Variants in GLUD1 observed in about 807,000 individuals in gnomAD.
GLUD1 encodes the protein glutamate dehydrogenase 1, mitochondrial.
Under a neutral mutation model 56.0 loss-of-function variants are expected in GLUD1, and 22 were observed. The ratio of observed to expected loss-of-function variants is 0.39; its 90% CI spans 0.28 to 0.56. GLUD1 has a LOEUF of 0.56. GLUD1 is among the 20% of genes least tolerant of loss of function. The pLI is 0.58. For synonymous variants in GLUD1, 223 were observed against 269.9 expected, an observed-to-expected ratio of 0.83 and a Z score of 1.70; for missense variants, 451 against 732.0, an observed-to-expected ratio of 0.62 and a Z score of 4.43.
intron 4 of GLUD1, among the ~76,000 whole-genome samples, chr10:87,072,304 T>C (rs751271919): frequency 4.6e-5 from 7 of 152,196 alleles, no homozygotes; most frequent in Non-Finnish European, 8.8e-5. Flanking sequence ...CAAATTAGTG[T>C]ACAGATTCAA....
rs1032103097 is a variant in GLUD1, at chr10:87,094,699, G to C, written c.71C>G (p.Ala24Gly). The C allele has an allele frequency of 4.7e-6, 7 of 1,497,500 alleles. No homozygotes were observed. Among genetic ancestry groups the C allele is most frequent in the African/African-American group, 1.5e-5 (1 of 68,290 alleles). The allele number at this position is 1,497,500 out of a possible 1,614,324, so 92.8% of individuals were successfully genotyped here. ...AGPAALGSAS[A>G]DSAALLGWAR... ...CCAGCCCAGCAACGCGGCCGAGTCGGCGGACGCCGAGCCCAGGGCAGCGGG... is the reference window on the plus strand; with the variant it reads ...CCAGCCCAGCAACGCGGCCGAGTCGCCGGACGCCGAGCCCAGGGCAGCGGG... Residue 24 changes from alanine to glycine, a missense_variant, in exon 1 of 13, where the codon GCC becomes GGC. Ala to Gly is a moderately conservative substitution (Grantham distance 60). Transcript: ENST00000277865. This position sits in a 1 kb window ranked among gnomAD's most constrained non-coding sequence, Gnocchi z 6.6.
chr10:87,063,141 T>C (rs182029767), intron 5 of GLUD1, among the ~76,000 whole-genome samples: 1 of 152,234 alleles, frequency 6.6e-6, no homozygotes, highest in African/African-American at 2.4e-5. Context: ...TGGTGAGATC[T>C]TGGCTCATCG....
intron 4 of GLUD1, among the ~76,000 whole-genome samples, chr10:87,073,799 T>C (rs1846306363): frequency 6.6e-6 from 1 of 151,896 alleles, no homozygotes; most frequent in Non-Finnish European, 1.5e-5. Context: ...TTTGTGTTTT[T>C]AGTAGAGATG....
At position 87,050,671 on chromosome 10, in the gene GLUD1, C is replaced by T. The variant is rs1444444751; in HGVS notation, c.*1080G>A. The stretch of plus-strand genomic sequence containing the variant: ...CAAAAGGCCCTGGCCAAATAACTCC[C>T]AAATGAAACACTCAACCCAAGGATG... On this transcript the variant is annotated 3_prime_UTR_variant, in exon 13 of 13. Coordinates refer to ENST00000277865, the MANE Select transcript of GLUD1 (RefSeq NM_005271.5). 6.6e-6 allele frequency: 1 copy of T among 152,060 alleles called. No individual in the cohort carries two copies. The highest frequency in any genetic ancestry group is 1.5e-5 in the Non-Finnish European group (1 of 68,046). 9.4% of individuals were successfully genotyped at this position (152,060 alleles called of 1,614,324 possible).
At chr10:87,091,372 T>C (rs1259114474) in intron 1 of GLUD1, among the ~76,000 whole-genome samples, 1 of 152,226 alleles carries the variant, frequency 6.6e-6, no homozygotes, top group East Asian at 1.9e-4. Context: ...TAGACTGGTC[T>C]CAGGCAGAAC....
At chr10:87,070,896 G>A (rs1054521029) in intron 4 of GLUD1, among the ~76,000 whole-genome samples, 15 of 151,942 alleles carry the variant, frequency 9.9e-5, no homozygotes, top group African/African-American at 3.6e-4. Flanking sequence ...TTGGGAGGCC[G>A]AGGTGAGTGG....
intron 1 of GLUD1, among the ~76,000 whole-genome samples, chr10:87,088,332 A>C (rs1841434817): frequency 6.6e-6 from 1 of 152,146 alleles, no homozygotes; most frequent in Non-Finnish European, 1.5e-5. Flanking sequence ...TCCAAGAAAT[A>C]AAAAAATTCA....
At chr10:87,079,357 G>C (rs1196111215) in intron 1 of GLUD1, among the ~76,000 whole-genome samples, 1 of 151,302 alleles carries the variant, frequency 6.6e-6, no homozygotes, top group Non-Finnish European at 1.5e-5. Context: ...AGAGTCACTT[G>C]AGCCCAGGAG....
chr10:87,077,142 C>T (rs1346030459), intron 1 of GLUD1, among the ~76,000 whole-genome samples: 1 of 152,098 alleles, frequency 6.6e-6, no homozygotes, highest in Non-Finnish European at 1.5e-5. Context: ...TCCTGAGTAG[C>T]TGGGACCACA....
chr10:87,062,454 T>C (rs1408889871), intron 6 of GLUD1, among the ~76,000 whole-genome samples: 1 of 152,214 alleles, frequency 6.6e-6, no homozygotes, highest in African/African-American at 2.4e-5. Context: ...TCACATGTAC[T>C]TGAGAGATAC....
Position 87,094,810 on chromosome 10 carries a change from G to C in GLUD1, c.-41C>G, listed in dbSNP as rs750771951. 6 of 1,479,264 alleles carry C rather than the reference G, an allele frequency of 4.1e-6. No homozygotes were observed. Among genetic ancestry groups the C allele is most frequent in the Non-Finnish European group, 5.5e-6 (6 of 1,094,736 alleles). 91.6% of individuals were successfully genotyped at this position (1,479,264 alleles called of 1,614,324 possible). ...GGAGGTGCGTGATGGTCGCGAAACA[G>C]GCGCGCTTTCTCAGACTCCCCGCGA... On this transcript the variant is annotated 5_prime_UTR_variant, in exon 1 of 13. Transcript: ENST00000277865. This position sits in a 1 kb window ranked among gnomAD's most constrained non-coding sequence, Gnocchi z 6.6.
rs763295720 is a variant in GLUD1, at chr10:87,060,784, A to G, written c.1101T>C (p.Tyr367=). The change falls in exon 8 of 13, where the codon TAT becomes TAC. Residue 367 remains tyrosine (Y), a synonymous_variant. Coordinates refer to ENST00000277865, the MANE Select transcript of GLUD1 (RefSeq NM_005271.5). ...SILGFPKAKP[Y]EGSILEADCD... ...AGTCGGCCTCCAAGATGCTTCCTTC[A>G]TAGGGCTTTGCCTTGGGGAAGCCCA... 1 of 1,614,210 alleles carries G rather than the reference A, an allele frequency of 6.2e-7. No individual in the cohort carries two copies. The highest frequency in any genetic ancestry group is 8.5e-7 in the Non-Finnish European group (1 of 1,180,034).
intron 2 of GLUD1, 52 bp downstream of exon 2, chr10:87,076,524 A>C (rs764424067): frequency 9.6e-7 from 1 of 1,040,228 alleles, no homozygotes; most frequent in Non-Finnish European, 1.5e-6. Flanking sequence ...ACATGTGTGT[A>C]AACATATTTC....
intron 1 of GLUD1, among the ~76,000 whole-genome samples, chr10:87,088,035 C>T (rs763177986): frequency 2.6e-5 from 4 of 151,808 alleles, no homozygotes; most frequent in Non-Finnish European, 4.4e-5. Context: ...GAGCCAAGAT[C>T]GCGCCACTGT....
chr10:87,059,886 A>C (rs1015044450), intron 9 of GLUD1, among the ~76,000 whole-genome samples: 1 of 152,252 alleles, frequency 6.6e-6, no homozygotes, highest in African/African-American at 2.4e-5. Flanking sequence ...CTTTAGTTAG[A>C]ATAGTGTTTC....
intron 6 of GLUD1, among the ~76,000 whole-genome samples, 158 bp downstream of exon 6, chr10:87,062,498 G>A (rs539459269): frequency 3.0e-4 from 45 of 151,970 alleles, no homozygotes; most frequent in Non-Finnish European, 5.4e-4. Flanking sequence ...ATCATACCAA[G>A]GTTCAAAAAA....
chr10:87,060,632 C>T (rs1244912240), intron 8 of GLUD1, 56 bp downstream of exon 8: 1 of 1,604,548 alleles, frequency 6.2e-7, no homozygotes, highest in African/African-American at 1.3e-5. Context: ...CTTCTATGAC[C>T]CCCCTAACGT....
chr10:87,080,821 G>A (rs1486394027), intron 1 of GLUD1, among the ~76,000 whole-genome samples: 1 of 150,520 alleles, frequency 6.6e-6, no homozygotes, highest in African/African-American at 2.5e-5. Flanking sequence ...TCTCCGCCCG[G>A]CAGCCGACCT....
intron 1 of GLUD1, among the ~76,000 whole-genome samples, chr10:87,088,876 C>T (rs1841448702): frequency 6.6e-6 from 1 of 152,222 alleles, no homozygotes; most frequent in South Asian, 2.1e-4. Context: ...GGACTACACA[C>T]TGGTAGAGAA....
Sources: allele counts gnomAD v4.1 joint callset (sites outside exome capture counted in the v4.1 genomes callset), GRCh38; gene constraint gnomAD v4.1.1; non-coding constraint Gnocchi (gnomAD v3.1); transcripts MANE v1.5; gene names NCBI Gene and HGNC (gene_info 2026-07-23, HGNC 2026-07-21).